R3HDM2: variants seen among roughly 807,000 people sequenced by gnomAD.
R3HDM2 encodes R3H domain-containing protein 2.
A neutral mutation model predicts 124.5 loss-of-function variants in R3HDM2; 38 were observed. The ratio of observed to expected loss-of-function variants is 0.31; its 90% CI spans 0.24 to 0.40. R3HDM2 has a LOEUF of 0.40. Among genes scored for constraint, R3HDM2 ranks in the 10% least tolerant of loss-of-function variants. The pLI is 1.00. For missense variants in R3HDM2, 869 were observed against 1,236.9 expected, an observed-to-expected ratio of 0.70 and a Z score of 4.46; for synonymous variants, 391 against 448.0, an observed-to-expected ratio of 0.87 and a Z score of 1.61.
At position 57,296,719 on chromosome 12, in the gene R3HDM2, G is replaced by A. The variant is rs1338045950; in HGVS notation, c.561-168C>T. 1.4e-6 allele frequency: 1 copy of A among 718,670 alleles called. No individual in the cohort carries two copies. Among genetic ancestry groups the A allele is most frequent in the African/African-American group, 1.8e-5 (1 of 55,796 alleles). 44.5% of individuals were successfully genotyped at this position (718,670 alleles called of 1,614,324 possible). A position where few individuals can be genotyped will look rare whatever the true frequency, so the allele number is the denominator to read the frequency against. On this transcript the variant is annotated intron_variant, in intron 8 of 23. Transcript: ENST00000402412. This position sits in a 1 kb window ranked among gnomAD's most constrained non-coding sequence, Gnocchi z 4.5. ...ATGGGAACCAAATAGGTTTTTCTCA[G>A]TTTCTTTATCTACAGTATTCTGCAG...
intron 2 of R3HDM2, among the ~76,000 whole-genome samples, chr12:57,361,048 C>CAAAAAAAA (rs35437591): frequency 5.0e-5 from 3 of 60,046 alleles, no homozygotes; most frequent in Non-Finnish European, 2.8e-5. Context: ...AGACACGTCT[C>CAAAAAAAA]AAAAAAAAAA....
intron 2 of R3HDM2, among the ~76,000 whole-genome samples, chr12:57,378,847 G>A (rs901075377): frequency 2.0e-4 from 31 of 152,172 alleles, no homozygotes; most frequent in Non-Finnish European, 3.8e-4. Context: ...ACAAATGAAT[G>A]GATTTGTTCC....
intron 19 of R3HDM2, among the ~76,000 whole-genome samples, chr12:57,264,241 CAA>C (rs550732747): frequency 1.0e-4 from 11 of 107,696 alleles, no homozygotes; most frequent in South Asian, 3.2e-4. Context: ...GACTCTGTCT[CAA>C]AAAAAAAAAA....
chr12:57,279,296 C>T (rs982318087), intron 14 of R3HDM2, among the ~76,000 whole-genome samples: 4 of 150,944 alleles, frequency 2.6e-5, no homozygotes, highest in Admixed American at 2.0e-4. Flanking sequence ...GATTCTCCTG[C>T]CTCAGCCTCC....
At chr12:57,343,589 A>G (rs1467755953) in intron 2 of R3HDM2, among the ~76,000 whole-genome samples, 1 of 152,018 alleles carries the variant, frequency 6.6e-6, no homozygotes, top group South Asian at 2.1e-4. Flanking sequence ...CAACAGCAAA[A>G]AATAATGTAT....
At chr12:57,422,772 A>G (rs965609788) in intron 1 of R3HDM2, among the ~76,000 whole-genome samples, 12 of 151,488 alleles carry the variant, frequency 7.9e-5, no homozygotes, top group African/African-American at 2.9e-4. Flanking sequence ...CTTGAGCCCA[A>G]GCGTTCAAGA....
At position 57,431,019 on chromosome 12, in the gene R3HDM2, C is replaced by A. The variant is rs892270266; in HGVS notation, c.-405G>T. 1.3e-5 allele frequency: 2 copies of A among 152,438 alleles called. No homozygotes were observed. Among genetic ancestry groups the A allele is most frequent in the Admixed American group, 6.5e-5 (1 of 15,290 alleles). The allele number at this position is 152,438 out of a possible 1,614,324, so 9.4% of individuals were successfully genotyped here. A position where few individuals can be genotyped will look rare whatever the true frequency, so the allele number is the denominator to read the frequency against. ...GGAAGAAAAGCCCAGAGTCCGCCCC[C>A]CGCTGCGGCTGCGCGCTACGTCACT... On this transcript the variant is annotated 5_prime_UTR_variant, in exon 1 of 24. Coordinates refer to ENST00000402412, the MANE Select transcript of R3HDM2 (RefSeq NM_001394031.1).
At chr12:57,269,222 G>T in intron 16 of R3HDM2, 101 bp downstream of exon 16, 1 of 1,554,738 alleles carries the variant, frequency 6.4e-7, no homozygotes, top group Non-Finnish European at 8.7e-7. Context: ...AATCATTCCT[G>T]CCCCTAGACC....
intron 12 of R3HDM2, chr12:57,288,760 A>G (rs2047961582): frequency 2.0e-6 from 2 of 984,732 alleles, no homozygotes; most frequent in Non-Finnish European, 3.0e-6. Flanking sequence ...TTCCACAAGC[A>G]GCCATGCATG....
intron 2 of R3HDM2, 120 bp from the exon 3 acceptor site, chr12:57,310,583 T>C: frequency 2.1e-6 from 1 of 472,958 alleles, no homozygotes; most frequent in Non-Finnish European, 3.4e-6. Context: ...CAGAAAAGAG[T>C]TATTTAATAA....
At chr12:57,318,365 A>G (rs1286872694) in intron 2 of R3HDM2, among the ~76,000 whole-genome samples, 1 of 152,068 alleles carries the variant, frequency 6.6e-6, no homozygotes, top group Non-Finnish European at 1.5e-5. Context: ...AATAACTGAC[A>G]GGCTGGGTGG....
chr12:57,264,241 CA>C (rs550732747), intron 19 of R3HDM2, among the ~76,000 whole-genome samples: 2,243 of 107,664 alleles, frequency 0.021, 41 homozygotes, highest in African/African-American at 0.066. Flanking sequence ...GACTCTGTCT[CA>C]AAAAAAAAAA....
At position 57,268,618 on chromosome 12, in the gene R3HDM2, G is replaced by C. The variant is rs1158484946; in HGVS notation, c.1876-161C>G. 7 of 812,694 alleles carry C rather than the reference G, an allele frequency of 8.6e-6. No homozygotes were observed. In the East Asian group the frequency reaches 1.1e-4, roughly 12 times the overall value. 50.3% of individuals were successfully genotyped at this position (812,694 alleles called of 1,614,324 possible). On this transcript the variant is annotated intron_variant, in intron 17 of 23. Coordinates refer to ENST00000402412, the MANE Select transcript of R3HDM2 (RefSeq NM_001394031.1). ...GCCTAAAGAAAATGTTTCCAGAGCT[G>C]TCTCTATTTCTGCCTTCTTCAAATA... is the stretch of plus-strand genomic sequence containing the variant.
intron 2 of R3HDM2, among the ~76,000 whole-genome samples, chr12:57,369,369 C>T (rs191803007): frequency 4.6e-5 from 7 of 152,208 alleles, no homozygotes; most frequent in African/African-American, 1.7e-4. Flanking sequence ...TAAACTGATG[C>T]GAACTCAATT....
intron 23 of R3HDM2, 148 bp downstream of exon 23, chr12:57,255,842 C>A (rs2038822096): frequency 1.6e-6 from 1 of 643,474 alleles, no homozygotes; most frequent in Non-Finnish European, 2.7e-6. Flanking sequence ...AGATACTTCA[C>A]TTCTCCAGTT....
intron 2 of R3HDM2, among the ~76,000 whole-genome samples, chr12:57,314,810 AATTT>A (rs2054681190): frequency 1.3e-5 from 2 of 152,124 alleles, no homozygotes; most frequent in South Asian, 4.1e-4. Context: ...AATAGCCTCA[AATTT>A]ATTTGTCAGA....
intron 14 of R3HDM2, among the ~76,000 whole-genome samples, chr12:57,271,275 G>C (rs760061725): frequency 6.6e-6 from 1 of 152,150 alleles, no homozygotes; most frequent in African/African-American, 2.4e-5. Context: ...GGCAGAGTGA[G>C]TGGCTAAGCT....
chr12:57,324,113 G>C (rs2056897211), intron 2 of R3HDM2, among the ~76,000 whole-genome samples: 1 of 152,076 alleles, frequency 6.6e-6, no homozygotes, highest in Non-Finnish European at 1.5e-5. Flanking sequence ...TAAATGCCAG[G>C]CAACTACATC....
intron 2 of R3HDM2, among the ~76,000 whole-genome samples, chr12:57,332,540 A>G (rs1239865829): frequency 6.6e-6 from 1 of 152,016 alleles, no homozygotes. Flanking sequence ...TCCCAAATTC[A>G]GATCAGGATG....
Sources: gnomAD v4.1 joint callset for allele counts (sites outside exome capture counted in the v4.1 genomes callset) on GRCh38, gnomAD v4.1.1 for gene constraint, Gnocchi (gnomAD v3.1) non-coding constraint, MANE v1.5 for transcripts, NCBI Gene and HGNC (gene_info 2026-07-23, HGNC 2026-07-21) for gene names.